Variants in ARHGAP10 observed in about 807,000 individuals in gnomAD.
ARHGAP10 encodes rho GTPase-activating protein 10.
In ARHGAP10, 87 loss-of-function variants were observed where a neutral mutation model predicts 108.6. That is an observed-to-expected ratio of 0.80 (90% CI 0.67 to 0.96). The LOEUF (loss-of-function observed/expected upper bound fraction) is 0.96, where lower values mean the gene tolerates loss of function less well. ARHGAP10 is among the 40% of genes least tolerant of loss of function. The probability of loss-of-function intolerance (pLI) is 0.00; values close to 1 mark genes in which losing one functional copy is unlikely to be tolerated. For missense variants in ARHGAP10, 939 were observed against 954.5 expected, an observed-to-expected ratio of 0.98 and a Z score of 0.21; for synonymous variants, 347 against 341.1, an observed-to-expected ratio of 1.02 and a Z score of -0.19.
intron 1 of ARHGAP10, among the ~76,000 whole-genome samples, chr4:147,818,390 A>AC (rs1400596820): frequency 6.6e-6 from 1 of 150,768 alleles, no homozygotes; most frequent in Non-Finnish European, 1.5e-5. Flanking sequence ...ACATGGAGAA[A>AC]CCCCATCTCT....
At chr4:148,057,129 C>T (rs1202664643) in intron 20 of ARHGAP10, among the ~76,000 whole-genome samples, 1 of 152,192 alleles carries the variant, frequency 6.6e-6, no homozygotes, top group Non-Finnish European at 1.5e-5. Flanking sequence ...CTCAGCATAG[C>T]CTCTAGCTAT....
Position 148,023,403 on chromosome 4 carries a change from G to T in ARHGAP10, c.1857G>T (p.Glu619Asp), listed in dbSNP as rs573858701. 11 of 1,613,516 alleles carry T rather than the reference G, an allele frequency of 6.8e-6. No individual in the cohort carries two copies. The African/African-American group carries it at 1.3e-4, about 20-fold the overall frequency. ...TGGCCGTCTACAATCTTTGTCTGGA[G>T]CTGGAAGATGGTAAGATGTTAATGA... ...RPVAVYNLCL[E>D]LEDGDNPYPS... Residue 619 changes from glutamate to aspartate, a missense_variant, in exon 19 of 23, where the codon GAG becomes GAT. By Grantham distance (45) the Glu-to-Asp change is conservative. Coordinates refer to ENST00000336498, the MANE Select transcript of ARHGAP10 (RefSeq NM_024605.4).
intron 18 of ARHGAP10, among the ~76,000 whole-genome samples, chr4:147,989,393 A>G (rs947062158): frequency 2.0e-5 from 3 of 152,256 alleles, no homozygotes; most frequent in Non-Finnish European, 2.9e-5. Context: ...GGTCTGACCA[A>G]AATTTATTAG....
At chr4:148,011,944 AAG>A (rs1741184702) in intron 18 of ARHGAP10, among the ~76,000 whole-genome samples, 1 of 152,230 alleles carries the variant, frequency 6.6e-6, no homozygotes, top group South Asian at 2.1e-4. Flanking sequence ...CTAAACGCGT[AAG>A]AATAACAGAT....
intron 21 of ARHGAP10, 70 bp downstream of exon 21, chr4:148,063,370 G>C: frequency 6.3e-7 from 1 of 1,577,360 alleles, no homozygotes; most frequent in South Asian, 1.2e-5. Context: ...ACCTGAGCAG[G>C]TTCTTGTGTT....
chr4:147,834,024 C>T (rs2126800853), intron 3 of ARHGAP10, among the ~76,000 whole-genome samples: 1 of 152,310 alleles, frequency 6.6e-6, no homozygotes, highest in Admixed American at 6.5e-5. Context: ...TTTTCTGTTG[C>T]TTATAACAGA....
At chr4:147,826,365 A>G (rs1464814710) in intron 3 of ARHGAP10, among the ~76,000 whole-genome samples, 1 of 152,116 alleles carries the variant, frequency 6.6e-6, no homozygotes, top group East Asian at 1.9e-4. Flanking sequence ...TGTGTTAGAC[A>G]AGGTTGGGTT....
rs533684620 is a variant in ARHGAP10, at chr4:147,928,528, GA to G, written c.1229-11294del. Among the ~76,000 whole-genome samples, 28 of 152,346 alleles carry G rather than the reference GA, an allele frequency of 1.8e-4. 1 individual carries two copies. In the South Asian group the frequency reaches 5.8e-3, roughly 32 times the overall value. ...AGTAGGAGAAGGCGAACATGCCAGT[GA>G]AAGCAAGACTTATATAGGAAAGGGA... is the stretch of plus-strand genomic sequence containing the variant. On this transcript the variant is annotated intron_variant, in intron 13 of 22. Coordinates refer to ENST00000336498, the MANE Select transcript of ARHGAP10 (RefSeq NM_024605.4).
In ARHGAP10 at chr4:147,767,667, T is replaced by C. The variant is rs773952085; in HGVS notation, c.154+35212T>C. Among the ~76,000 whole-genome samples, 5 of 152,178 alleles carry C rather than the reference T, an allele frequency of 3.3e-5. No individual in the cohort carries two copies. The East Asian group carries it at 5.8e-4, about 18-fold the overall frequency. On this transcript the variant is annotated intron_variant, in intron 1 of 22. Coordinates refer to ENST00000336498, the MANE Select transcript of ARHGAP10 (RefSeq NM_024605.4). ...AGGAGTTCGAGGCTGTAGGGTGCCA[T>C]GGTCATACCTGTGAATAGCCACTGC...
rs776619814 is a variant in ARHGAP10, at chr4:147,847,160, G to A, written c.322G>A (p.Val108Ile). The change falls in exon 4 of 23, where the codon GTA (valine) becomes ATA (isoleucine). Residue 108 changes from valine to isoleucine, a missense_variant. Transcript: ENST00000336498. ...CACTCTTGTTCTCTAGGCATTAAGT[G>A]TAACTGAAACCCTGATTAAACCCTT... Reference protein sequence around the residue: ...EEQREIMALSVTETLIKPLEK... With the variant: ...EEQREIMALSITETLIKPLEK... 1.1e-4 allele frequency: 179 copies of A among 1,612,934 alleles called. No homozygotes were observed. The Middle Eastern group carries it at 1.7e-3, about 15-fold the overall frequency.
At chr4:147,908,119 C>G (rs1736575466) in intron 11 of ARHGAP10, among the ~76,000 whole-genome samples, 1 of 152,308 alleles carries the variant, frequency 6.6e-6, no homozygotes, top group East Asian at 1.9e-4. Flanking sequence ...GCTGGGATTA[C>G]AGGCATGAGC....
chr4:148,014,598 G>T (rs1330090135), intron 18 of ARHGAP10, among the ~76,000 whole-genome samples: 5 of 152,182 alleles, frequency 3.3e-5, no homozygotes, highest in African/African-American at 1.2e-4. Context: ...TGGTCTTTGT[G>T]AAACACTGGA....
intron 1 of ARHGAP10, among the ~76,000 whole-genome samples, chr4:147,733,379 G>A (rs1728300879): frequency 6.6e-6 from 1 of 152,156 alleles, no homozygotes; most frequent in Non-Finnish European, 1.5e-5. Context: ...CCATCCCTTG[G>A]ATCCATAACC....
chr4:147,985,015 G>T (rs1326090141), intron 18 of ARHGAP10, among the ~76,000 whole-genome samples: 1 of 152,212 alleles, frequency 6.6e-6, no homozygotes, highest in Non-Finnish European at 1.5e-5. Context: ...ATGTGCCTAG[G>T]TGTGGAGCTG....
At chr4:147,957,900 T>C (rs1289289959) in intron 16 of ARHGAP10, among the ~76,000 whole-genome samples, 3 of 152,240 alleles carry the variant, frequency 2.0e-5, no homozygotes, top group African/African-American at 7.2e-5. Context: ...CTTTTAAAGG[T>C]TGACTGCATT....
At chr4:147,986,635 G>A (rs959007851) in intron 18 of ARHGAP10, among the ~76,000 whole-genome samples, 4 of 152,066 alleles carry the variant, frequency 2.6e-5, no homozygotes, top group African/African-American at 9.7e-5. Context: ...ACAGTGTCAG[G>A]CCTCTCTGGT....
intron 19 of ARHGAP10, among the ~76,000 whole-genome samples, chr4:148,028,902 T>C (rs776299361): frequency 6.6e-6 from 1 of 152,222 alleles, no homozygotes; most frequent in Non-Finnish European, 1.5e-5. Context: ...CAGATTAGGC[T>C]CATAGGTAAA....
In ARHGAP10 at chr4:147,909,366, C is replaced by A. The variant is rs114239565; in HGVS notation, c.1117-366C>A. Among the ~76,000 whole-genome samples the A allele has an allele frequency of 9.9e-3, 1,511 of 152,248 alleles. 21 individuals are homozygous for A. Among genetic ancestry groups the A allele is most frequent in the African/African-American group, 0.033 (1,385 of 41,540 alleles). ...TTGTTTCAGAACTCAATTGCCAGCTCACTGCTGAAGAGATTGGTGGGTAGG... is the reference window on the plus strand; with the variant it reads ...TTGTTTCAGAACTCAATTGCCAGCTAACTGCTGAAGAGATTGGTGGGTAGG... On this transcript the variant is annotated intron_variant, in intron 11 of 22. Transcript: ENST00000336498.
intron 4 of ARHGAP10, among the ~76,000 whole-genome samples, chr4:147,856,534 GT>G (rs1734086840): frequency 6.6e-6 from 1 of 152,144 alleles, no homozygotes; most frequent in Non-Finnish European, 1.5e-5. Context: ...ATGGTTCAGT[GT>G]ACATAAGCTT....
Sources: allele counts gnomAD v4.1 joint callset (sites outside exome capture counted in the v4.1 genomes callset), GRCh38; gene constraint gnomAD v4.1.1; transcripts MANE v1.5; gene names NCBI Gene and HGNC (gene_info 2026-07-23, HGNC 2026-07-21).